Variants in PTPN9 observed in about 807,000 individuals in gnomAD.
PTPN9 encodes tyrosine-protein phosphatase non-receptor type 9.
A neutral mutation model predicts 69.8 loss-of-function variants in PTPN9; 26 were observed. The ratio of observed to expected loss-of-function variants is 0.37; its 90% CI spans 0.27 to 0.52. The LOEUF (loss-of-function observed/expected upper bound fraction) is 0.52, where lower values mean the gene tolerates loss of function less well. PTPN9 is among the 20% of genes least tolerant of loss of function. PTPN9 has a pLI of 0.91. For synonymous variants in PTPN9, 274 were observed against 272.5 expected, an observed-to-expected ratio of 1.01 and a Z score of -0.05; for missense variants, 549 against 740.3, an observed-to-expected ratio of 0.74 and a Z score of 3.00.
chr15:75,576,878 T>C (rs2075176255), intron 1 of PTPN9, among the ~76,000 whole-genome samples: 1 of 152,130 alleles, frequency 6.6e-6, no homozygotes, highest in Non-Finnish European at 1.5e-5. Flanking sequence ...TTATGTGATA[T>C]TAAACTAAAA....
intron 1 of PTPN9, among the ~76,000 whole-genome samples, chr15:75,562,058 G>A (rs2075106097): frequency 6.6e-6 from 1 of 151,674 alleles, no homozygotes; most frequent in East Asian, 1.9e-4. Flanking sequence ...TTGCTGTGTT[G>A]CCCAGGTTGG....
intron 7 of PTPN9, among the ~76,000 whole-genome samples, chr15:75,499,744 G>A (rs2074763195): frequency 6.6e-6 from 1 of 151,948 alleles, no homozygotes; most frequent in African/African-American, 2.4e-5. Context: ...CTCCATAGTA[G>A]AAATGACATC....
At chr15:75,505,504 A>G (rs1029213088) in intron 7 of PTPN9, among the ~76,000 whole-genome samples, 171 bp downstream of exon 7, 1 of 152,086 alleles carries the variant, frequency 6.6e-6, no homozygotes, top group Non-Finnish European at 1.5e-5. Flanking sequence ...GAAGCACCAA[A>G]GCAGAAAGTA....
chr15:75,471,613 A>G (rs2074565970), intron 10 of PTPN9, among the ~76,000 whole-genome samples: 1 of 150,854 alleles, frequency 6.6e-6, no homozygotes, highest in East Asian at 1.9e-4. Flanking sequence ...AAAAAAGAAA[A>G]AAAAAAAAAA....
At chr15:75,559,938 A>G (rs556138621) in intron 1 of PTPN9, among the ~76,000 whole-genome samples, 75 of 152,126 alleles carry the variant, frequency 4.9e-4, no homozygotes, top group African/African-American at 1.8e-3. Flanking sequence ...TCAGGAGTTC[A>G]AGACCAGCCT....
chr15:75,539,390 T>C (rs904252287), intron 1 of PTPN9, among the ~76,000 whole-genome samples: 19 of 151,660 alleles, frequency 1.3e-4, no homozygotes, highest in African/African-American at 4.6e-4. Flanking sequence ...CTTGGCTCAC[T>C]GCAACCTCTG....
chr15:75,564,476 G>A (rs1339449801), intron 1 of PTPN9, among the ~76,000 whole-genome samples: 1 of 151,558 alleles, frequency 6.6e-6, no homozygotes, highest in Non-Finnish European at 1.5e-5. Context: ...GGCGCCTGTA[G>A]TCCCAGCTAC....
chr15:75,486,044 G>A (rs1426917451), intron 8 of PTPN9, among the ~76,000 whole-genome samples: 1 of 145,826 alleles, frequency 6.9e-6, no homozygotes, highest in Non-Finnish European at 1.5e-5. Flanking sequence ...AGGTTGCAGT[G>A]AGCCGAGATC....
chr15:75,532,064 A>C (rs758821930), intron 1 of PTPN9, among the ~76,000 whole-genome samples: 1 of 152,166 alleles, frequency 6.6e-6, no homozygotes, highest in Non-Finnish European at 1.5e-5. Flanking sequence ...AATGACCAAG[A>C]GGTGATATGA....
chr15:75,555,702 G>A (rs1256984811), intron 1 of PTPN9, among the ~76,000 whole-genome samples: 1 of 151,538 alleles, frequency 6.6e-6, no homozygotes, highest in Non-Finnish European at 1.5e-5. Context: ...ATGGGGTTTC[G>A]CCATATTGGC....
chr15:75,491,780 AAGAG>A (rs898189603), intron 7 of PTPN9, among the ~76,000 whole-genome samples: 9 of 152,196 alleles, frequency 5.9e-5, no homozygotes, highest in Admixed American at 2.0e-4. Context: ...CATTAGTAAA[AAGAG>A]AGAGAGGGAG....
chr15:75,571,567 G>C (rs992827526), intron 1 of PTPN9, among the ~76,000 whole-genome samples: 2 of 152,038 alleles, frequency 1.3e-5, no homozygotes. Context: ...AGACCAGCCT[G>C]GGCAACATAG....
chr15:75,569,101 T>C (rs986372998), intron 1 of PTPN9, among the ~76,000 whole-genome samples: 5 of 151,956 alleles, frequency 3.3e-5, no homozygotes, highest in African/African-American at 1.2e-4. Context: ...TTAAAATAAT[T>C]GATTAGGAAA....
rs756811878 is a variant in PTPN9 at position 75,473,747 on chromosome 15, G to A, written c.1150C>T (p.Arg384Cys). Residue 384 changes from arginine to cysteine, a missense_variant, in exon 10 of 13, where the codon CGT (arginine) becomes TGT (cysteine). Around this residue, in one of 3 missense-constraint regions of PTPN9, gnomAD observed 457 missense variants for 661.9 expected, o/e 0.69. Coordinates refer to ENST00000618819, the MANE Select transcript of PTPN9 (RefSeq NM_002833.4). ...GTQGPLENTY[R>C]DFWLMVWEQK... ...TCCCATACCATGAGCCAGAAATCAC[G>A]ATAGGTATTCTCCAAAGGACCTGAA... 16 of 1,579,102 alleles carry A rather than the reference G, an allele frequency of 1.0e-5. No individual in the cohort carries two copies. The Admixed American group carries it at 1.8e-4, about 18-fold the overall frequency.
At chr15:75,534,018 C>A (rs2074973248) in intron 1 of PTPN9, among the ~76,000 whole-genome samples, 1 of 152,190 alleles carries the variant, frequency 6.6e-6, no homozygotes, top group Non-Finnish European at 1.5e-5. Context: ...CCTGAAATAT[C>A]AGTTACCTAG....
intron 2 of PTPN9, 35 bp downstream of exon 2, chr15:75,527,083 C>T: frequency 6.2e-6 from 10 of 1,612,944 alleles, no homozygotes; most frequent in Non-Finnish European, 7.6e-6. Context: ...CTTAACCCAA[C>T]TGCCACAGGT....
chr15:75,480,545 G>A (rs1595947396), intron 8 of PTPN9: 5 of 461,228 alleles, frequency 1.1e-5, no homozygotes, highest in East Asian at 1.2e-4. Flanking sequence ...GTGGCTTAGG[G>A]AGCCCGTCCG....
intron 9 of PTPN9, among the ~76,000 whole-genome samples, chr15:75,477,955 C>T (rs1402656194): frequency 6.6e-6 from 1 of 151,604 alleles, no homozygotes; most frequent in Non-Finnish European, 1.5e-5. Flanking sequence ...ATTCTCCTGC[C>T]TCAGCCTCCC....
Position 75,579,034 on chromosome 15 carries a change from A to C in PTPN9, c.-258T>G. 23 of 230,986 alleles carry C rather than the reference A, an allele frequency of 1.0e-4. No individual in the cohort carries two copies. Among genetic ancestry groups the C allele is most frequent in the East Asian group, 2.7e-4 (3 of 10,972 alleles). The allele number at this position is 230,986 out of a possible 1,614,324, so 14.3% of individuals were successfully genotyped here. Reference sequence around the variant, plus strand: ...CGCTCCGTTCCTCACACTCCCCCTTATCTCCTGGGGAAGAAAAAGTGCAGG... The same window carrying C: ...CGCTCCGTTCCTCACACTCCCCCTTCTCTCCTGGGGAAGAAAAAGTGCAGG... On this transcript the variant is annotated 5_prime_UTR_variant, in exon 1 of 13. Transcript: ENST00000618819.
Sources: gnomAD v4.1 joint callset for allele counts (sites outside exome capture counted in the v4.1 genomes callset) on GRCh38, gnomAD v4.1.1 for gene constraint, gnomAD v4.1.1 regional missense constraint, MANE v1.5 for transcripts, NCBI Gene and HGNC (gene_info 2026-07-23, HGNC 2026-07-21) for gene names.